Variants in PPP2R5C observed in about 807,000 individuals in gnomAD.
The protein encoded by PPP2R5C is serine/threonine-protein phosphatase 2A 56 kDa regulatory subunit gamma isoform.
Under a neutral mutation model 68.9 loss-of-function variants are expected in PPP2R5C, and 7 were observed. The ratio of observed to expected loss-of-function variants is 0.10; its 90% CI spans 0.06 to 0.19. PPP2R5C has a LOEUF of 0.19. PPP2R5C is among the 10% of genes least tolerant of loss of function. The pLI is 1.00. For missense variants in PPP2R5C, 348 were observed against 641.3 expected (o/e 0.54, Z 4.94); for synonymous variants, 210 against 222.2 (o/e 0.95, Z 0.49).
chr14:101,827,720 A>G (rs1288231734), intron 1 of PPP2R5C, among the ~76,000 whole-genome samples: 2 of 152,224 alleles, frequency 1.3e-5, no homozygotes, highest in African/African-American at 2.4e-5. Context: ...GTTCTCGGCC[A>G]TAAGTGCAGG....
rs2044248874 is a variant in PPP2R5C at position 101,882,907 on chromosome 14, C to T, written c.406-350C>T. Reference sequence around the variant, plus strand: ...CTCTGCGCCTTGGCATTGTGGGACACTCCTAGGCGACAGGCTGCAAATCCC... The same window carrying T: ...CTCTGCGCCTTGGCATTGTGGGACATTCCTAGGCGACAGGCTGCAAATCCC... On this transcript the variant is annotated intron_variant, in intron 3 of 13. Transcript: ENST00000334743. This position sits in a 1 kb window ranked among gnomAD's most constrained non-coding sequence, Gnocchi z 4.9. 1 of 219,400 alleles carries T rather than the reference C, an allele frequency of 4.6e-6. No individual in the cohort carries two copies. The highest frequency in any genetic ancestry group is 8.9e-6 in the Non-Finnish European group (1 of 112,150). The allele number at this position is 219,400 out of a possible 1,614,324, so 13.6% of individuals were successfully genotyped here.
At chr14:101,801,317 G>T (rs184302537) in intron 3 of PPP2R5C, among the ~76,000 whole-genome samples, 1 of 152,162 alleles carries the variant, frequency 6.6e-6, no homozygotes, top group Non-Finnish European at 1.5e-5. Flanking sequence ...AATATCACAT[G>T]TCCCCTCCAA....
exon 14 of PPP2R5C, chr14:101,926,905 T>C (rs1008877036): frequency 6.6e-6 from 1 of 152,138 alleles, no homozygotes; most frequent in African/African-American, 2.4e-5. Context: ...AATGCGAAGA[T>C]TGCCCCAGCT....
chr14:101,836,582 G>A (rs113596769), intron 1 of PPP2R5C: 2 of 526,244 alleles, frequency 3.8e-6, no homozygotes, highest in African/African-American at 3.8e-5. Flanking sequence ...AATGCCTGGG[G>A]TGTTGCATGC....
chr14:101,804,080 T>A lies in PPP2R5C; in HGVS notation c.259+17897T>A, dbSNP rs1426416969. Among the ~76,000 whole-genome samples, 3 of 152,204 alleles carry A rather than the reference T, an allele frequency of 2.0e-5. No individual in the cohort carries two copies. The East Asian group carries it at 5.8e-4, about 29-fold the overall frequency. On this transcript the variant is annotated intron_variant, in intron 3 of 14. Coordinates refer to the PPP2R5C transcript ENST00000328724. ...ATGGGCAAAAGATTTGAGTAGACATTTCTCAGAAGACAGACAAATGGCAAA... is the reference window on the plus strand; with the variant it reads ...ATGGGCAAAAGATTTGAGTAGACATATCTCAGAAGACAGACAAATGGCAAA...
At chr14:101,816,432 T>C (rs1317092958) in intron 1 of PPP2R5C, among the ~76,000 whole-genome samples, 2 of 152,234 alleles carry the variant, frequency 1.3e-5, no homozygotes, top group South Asian at 2.1e-4. Flanking sequence ...AATCAAAAAC[T>C]CTTCTAGTTT....
chr14:101,789,114 A>G (rs1595168591), intron 3 of PPP2R5C, among the ~76,000 whole-genome samples: 1 of 152,168 alleles, frequency 6.6e-6, no homozygotes, highest in South Asian at 2.1e-4. Context: ...TTTTTCCACT[A>G]CAGTCTGCAT....
At chr14:101,804,981 TTAAA>T (rs2039017484), upstream of PPP2R5C, among the ~76,000 whole-genome samples, 1 of 152,214 alleles carries the variant, frequency 6.6e-6, no homozygotes, top group South Asian at 2.1e-4. Context: ...CTTGTGTCTC[TTAAA>T]TATATATACC....
exon 5 of PPP2R5C, chr14:101,883,542 G>A: frequency 3.1e-6 from 5 of 1,613,472 alleles, no homozygotes; most frequent in South Asian, 1.1e-5. Context: ...TCAGAAAACA[G>A]ATAAATAATA....
chr14:101,761,885 G>T (rs1325545620), exon 1 of PPP2R5C: 2 of 1,153,134 alleles, frequency 1.7e-6, no homozygotes, highest in Admixed American at 4.9e-5. Flanking sequence ...GCGGCGGCCC[G>T]CTCCAGCCAT....
chr14:101,766,951 A>G (rs906698412), intron 2 of PPP2R5C: 5 of 152,320 alleles, frequency 3.3e-5, no homozygotes, highest in Admixed American at 6.5e-5. Flanking sequence ...AAGTGTGTGT[A>G]CTGTGTCCAA....
chr14:101,844,921 C>T (rs1313248537), intron 1 of PPP2R5C, among the ~76,000 whole-genome samples: 1 of 152,090 alleles, frequency 6.6e-6, no homozygotes, highest in Non-Finnish European at 1.5e-5. Flanking sequence ...AGTATTTCAC[C>T]AGTCATGCTA....
chr14:101,762,846 C>A (rs1310345454), intron 1 of PPP2R5C, 59 bp from the exon 2 acceptor site: 1 of 1,399,292 alleles, frequency 7.1e-7, no homozygotes, highest in Non-Finnish European at 9.9e-7. Flanking sequence ...TTTGGCTTAT[C>A]TGATGTTTAC....
chr14:101,912,017 CTCCTTTTACAGTACTGG>C (rs2046420510), intron 11 of PPP2R5C, among the ~76,000 whole-genome samples: 1 of 152,144 alleles, frequency 6.6e-6, no homozygotes, highest in South Asian at 2.1e-4. Context: ...GGAATGCTGG[CTCCTTTTACAGTACTGG>C]TCCCTTTACA....
chr14:101,778,598 T>G (rs965967254), intron 2 of PPP2R5C, among the ~76,000 whole-genome samples: 1 of 152,190 alleles, frequency 6.6e-6, no homozygotes, highest in Non-Finnish European at 1.5e-5. Context: ...TGAGGGGGGA[T>G]CCACCTTTAT....
chr14:101,760,981 A>AC (rs1168741819), upstream of PPP2R5C, among the ~76,000 whole-genome samples: 1 of 64,610 alleles, frequency 1.5e-5, no homozygotes, highest in Non-Finnish European at 3.1e-5. Context: ...AGGGGAGGGG[A>AC]GGGCAGGGGA....
intron 12 of PPP2R5C, among the ~76,000 whole-genome samples, chr14:101,912,894 C>T (rs1462580314): frequency 6.6e-6 from 1 of 152,204 alleles, no homozygotes; most frequent in African/African-American, 2.4e-5. Flanking sequence ...TTGATGTCCT[C>T]TTTCTTTGTA....
intron 5 of PPP2R5C, among the ~76,000 whole-genome samples, chr14:101,887,843 T>C (rs1566942120): frequency 2.6e-5 from 4 of 151,930 alleles, no homozygotes. Flanking sequence ...TCTGGAGACT[T>C]CTATAGCCAG....
intron 1 of PPP2R5C, among the ~76,000 whole-genome samples, chr14:101,817,250 C>T (rs2039778272): frequency 1.3e-5 from 2 of 152,082 alleles, no homozygotes; most frequent in Admixed American, 1.3e-4. Context: ...GCCACTGCCC[C>T]AGGATGAGAA....
Sources: gnomAD v4.1 joint callset for allele counts (sites outside exome capture counted in the v4.1 genomes callset) on GRCh38, gnomAD v4.1.1 for gene constraint, Gnocchi (gnomAD v3.1) non-coding constraint, MANE v1.5 for transcripts, NCBI Gene and HGNC (gene_info 2026-07-23, HGNC 2026-07-21) for gene names.